Variants in FBLN2 observed in about 807,000 individuals in gnomAD.
FBLN2 encodes the protein fibulin 2.
Under a neutral mutation model 123.7 loss-of-function variants are expected in FBLN2, and 81 were observed. That is an observed-to-expected ratio of 0.65 (90% CI 0.55 to 0.79). FBLN2 has a LOEUF of 0.79. Ranked by LOEUF, FBLN2 falls within the 30% of genes least tolerant of loss-of-function variation. The pLI, the probability that FBLN2 is intolerant of heterozygous loss-of-function variation, is 0.00. For synonymous variants in FBLN2, 699 were observed against 701.4 expected, an observed-to-expected ratio of 1.00 and a Z score of 0.05; for missense variants, 1,603 against 1,681.3, an observed-to-expected ratio of 0.95 and a Z score of 0.81.
At chr3:13,636,012 A>AG (rs368785598) in intron 16 of FBLN2, among the ~76,000 whole-genome samples, 1,580 of 152,230 alleles carry the variant, frequency 0.01, 28 homozygotes, top group African/African-American at 0.036. Context: ...AAAGATGAGA[A>AG]GCCTCCAGCA....
intron 1 of FBLN2, among the ~76,000 whole-genome samples, chr3:13,551,449 A>G (rs1703320139): frequency 1.3e-5 from 2 of 152,194 alleles, no homozygotes; most frequent in African/African-American, 4.8e-5. Flanking sequence ...TCCCTCCTGC[A>G]GGGTGGAACT....
At chr3:13,559,889 C>T (rs548463358) in intron 1 of FBLN2, among the ~76,000 whole-genome samples, 20 of 152,272 alleles carry the variant, frequency 1.3e-4, no homozygotes, top group South Asian at 4.1e-4. Flanking sequence ...GGACTCCCCC[C>T]GCCCCAGGCG....
intron 4 of FBLN2, among the ~76,000 whole-genome samples, chr3:13,612,822 A>ACACT (rs1705451131): frequency 6.6e-6 from 1 of 152,220 alleles, no homozygotes; most frequent in Non-Finnish European, 1.5e-5. Flanking sequence ...GAAGTGTTCA[A>ACACT]CACTGAGAGA....
At chr3:13,622,008 T>G in intron 9 of FBLN2, 93 bp downstream of exon 9, 1 of 1,416,148 alleles carries the variant, frequency 7.1e-7, no homozygotes, top group Non-Finnish European at 9.6e-7. Context: ...CCAAAGGGCC[T>G]GCCCTTTGCA....
chr3:13,622,487 G>C (rs1234868910), intron 9 of FBLN2, among the ~76,000 whole-genome samples: 1 of 152,224 alleles, frequency 6.6e-6, no homozygotes, highest in East Asian at 1.9e-4. Flanking sequence ...GGGTCCAGCA[G>C]AGCCCGCCTC....
intron 10 of FBLN2, 97 bp downstream of exon 10, chr3:13,626,676 C>A: frequency 7.6e-7 from 1 of 1,315,532 alleles, no homozygotes; most frequent in South Asian, 1.6e-5. Context: ...CCTGGCCACC[C>A]TTAGGCCTGG....
chr3:13,626,762 ATGG>A, intron 10 of FBLN2, among the ~76,000 whole-genome samples, 183 bp downstream of exon 10: 1 of 152,160 alleles, frequency 6.6e-6, no homozygotes, highest in South Asian at 2.1e-4. Flanking sequence ...AGACCCCACA[ATGG>A]TGGTGTTTGG....
chr3:13,620,011 C>A (rs1399314942), intron 8 of FBLN2, among the ~76,000 whole-genome samples, 180 bp downstream of exon 8: 1 of 152,144 alleles, frequency 6.6e-6, no homozygotes, highest in Admixed American at 6.5e-5. Context: ...ACCGTACGTG[C>A]GGTGTATACA....
At chr3:13,580,910 G>T (rs1704304446) in intron 2 of FBLN2, among the ~76,000 whole-genome samples, 1 of 152,192 alleles carries the variant, frequency 6.6e-6, no homozygotes, top group African/African-American at 2.4e-5. Context: ...ACACCTGCTG[G>T]GCCTGAACGT....
Position 13,637,597 on chromosome 3 carries a change from A to G in FBLN2, c.3374A>G (p.Glu1125Gly). 1 of 1,612,604 alleles carries G rather than the reference A, an allele frequency of 6.2e-7. No individual in the cohort carries two copies. The highest frequency in any genetic ancestry group is 8.5e-7 in the Non-Finnish European group (1 of 1,178,942). The change falls in exon 18 of 18, where the codon GAG becomes GGG. Residue 1125 changes from glutamate to glycine, a missense_variant. Transcript: ENST00000404922. The stretch of plus-strand genomic sequence containing the variant: ...CGCACCACGTGCCATGACTTCCTGG[A>G]GTGCCAGAACTCGCCAGCGCGCATC... ...CERTTCHDFL[E>G]CQNSPARITH...
intron 2 of FBLN2, among the ~76,000 whole-genome samples, chr3:13,579,180 A>T (rs1477904378): frequency 6.6e-6 from 1 of 152,234 alleles, no homozygotes; most frequent in Non-Finnish European, 1.5e-5. Flanking sequence ...CCTAGTGTGT[A>T]TGAAATAGCA....
intron 1 of FBLN2, among the ~76,000 whole-genome samples, chr3:13,565,005 C>T (rs561251489): frequency 2.4e-4 from 36 of 152,270 alleles, no homozygotes; most frequent in Non-Finnish European, 5.0e-4. Context: ...TGCCGGAGCC[C>T]TCCCTCCCCA....
At chr3:13,583,707 C>T (rs1441150124) in intron 2 of FBLN2, among the ~76,000 whole-genome samples, 1 of 152,240 alleles carries the variant, frequency 6.6e-6, no homozygotes, top group Admixed American at 6.5e-5. Flanking sequence ...TCAAGGGCCA[C>T]ATAAGGACGT....
At chr3:13,550,728 C>A (rs1308755204) in intron 1 of FBLN2, among the ~76,000 whole-genome samples, 4 of 152,108 alleles carry the variant, frequency 2.6e-5, no homozygotes, top group African/African-American at 7.2e-5. Context: ...GGAGCTACTC[C>A]CCTGGGGTGC....
chr3:13,568,310 G>T (rs1206096871), intron 1 of FBLN2, among the ~76,000 whole-genome samples: 1 of 152,190 alleles, frequency 6.6e-6, no homozygotes, highest in African/African-American at 2.4e-5. Flanking sequence ...TCTTCTGTCC[G>T]CTGCATCCTA....
intron 6 of FBLN2, 53 bp from the exon 7 acceptor site, chr3:13,618,851 G>T: frequency 7.2e-7 from 1 of 1,394,356 alleles, no homozygotes; most frequent in Non-Finnish European, 1.0e-6. Flanking sequence ...CCTGAGGCCT[G>T]GCTGAAGACC....
intron 4 of FBLN2, 59 bp from the exon 5 acceptor site, chr3:13,613,925 T>G: frequency 6.4e-7 from 1 of 1,557,302 alleles, no homozygotes; most frequent in East Asian, 2.3e-5. Context: ...GTCCCTCCCC[T>G]GAGCCTAGCT....
chr3:13,595,211 C>G (rs940968736), intron 2 of FBLN2, among the ~76,000 whole-genome samples: 1 of 152,114 alleles, frequency 6.6e-6, no homozygotes, highest in Non-Finnish European at 1.5e-5. Context: ...GGTGTCCAGA[C>G]AGTAAACACC....
chr3:13,576,007 C>A (rs958868174), intron 2 of FBLN2, among the ~76,000 whole-genome samples: 2 of 152,152 alleles, frequency 1.3e-5, no homozygotes, highest in East Asian at 3.9e-4. Flanking sequence ...AGGAGGTGCT[C>A]GGCAAGGGCG....
Sources: allele counts gnomAD v4.1 joint callset (sites outside exome capture counted in the v4.1 genomes callset), GRCh38; gene constraint gnomAD v4.1.1; transcripts MANE v1.5; gene names NCBI Gene and HGNC (gene_info 2026-07-23, HGNC 2026-07-21).